Variants in CCDC9 observed in about 807,000 individuals in gnomAD.
CCDC9 encodes coiled-coil domain containing 9.
In CCDC9, 52 loss-of-function variants were observed where a neutral mutation model predicts 65.6. The ratio of observed to expected loss-of-function variants is 0.79; its 90% confidence interval spans 0.63 to 1.00. CCDC9 has a LOEUF of 1.00. Ranked by LOEUF, CCDC9 falls within the 50% of genes least tolerant of loss-of-function variation. CCDC9 has a pLI of 0.00. For missense variants in CCDC9, 834 were observed against 757.2 expected, an observed-to-expected ratio of 1.10 and a Z score of -1.19; for synonymous variants, 332 against 280.3, an observed-to-expected ratio of 1.18 and a Z score of -1.84.
intron 8 of CCDC9, among the ~76,000 whole-genome samples, chr19:47,267,891 G>T (rs890051544): frequency 2.6e-5 from 4 of 151,506 alleles, no homozygotes; most frequent in African/African-American, 7.3e-5. Flanking sequence ...ACTGTTGCCG[G>T]GGCTGGAGTG....
intron 7 of CCDC9, among the ~76,000 whole-genome samples, chr19:47,266,105 C>T (rs1315624169): frequency 3.4e-5 from 5 of 147,742 alleles, no homozygotes; most frequent in Non-Finnish European, 5.9e-5. Context: ...ATGCCAGTCT[C>T]CTGCCTCAGC....
downstream of CCDC9, chr19:47,274,977 A>C: frequency 6.9e-7 from 1 of 1,454,430 alleles, no homozygotes; most frequent in South Asian, 1.3e-5. Flanking sequence ...CGCGGGGCTG[A>C]GCGAGGGCCC....
intron 5 of CCDC9, among the ~76,000 whole-genome samples, chr19:47,262,030 A>G (rs1807311601): frequency 6.6e-6 from 1 of 151,990 alleles, no homozygotes; most frequent in Non-Finnish European, 1.5e-5. Context: ...TCAAAAAAAA[A>G]AAAATAATTA....
chr19:47,275,262 C>CGA, downstream of CCDC9: 1 of 1,540,780 alleles, frequency 6.5e-7, no homozygotes, highest in Middle Eastern at 1.9e-4. Context: ...GAGCCGCCGC[C>CGA]GCCGCTACAG....
At chr19:47,260,043 G>A (rs531513081) in intron 3 of CCDC9, among the ~76,000 whole-genome samples, 13 of 152,304 alleles carry the variant, frequency 8.5e-5, no homozygotes, top group Admixed American at 3.3e-4. Context: ...CGGAGTGATC[G>A]TGGGGAGAGG....
downstream of CCDC9, chr19:47,273,518 C>A: frequency 2.0e-6 from 1 of 507,106 alleles, no homozygotes; most frequent in Non-Finnish European, 3.1e-6. Context: ...CGCCTCGCTC[C>A]TCTGTCCTCT....
At chr19:47,274,900 G>C (rs2059146833), downstream of CCDC9, 5 of 1,277,016 alleles carry the variant, frequency 3.9e-6, no homozygotes, top group Non-Finnish European at 3.9e-6. Context: ...CTGCGGCGCG[G>C]AGCCGAGTGG....
rs774734214 is a variant in CCDC9 at position 47,271,260 on chromosome 19, C to A, written c.1192-14C>A. 51 of 1,611,516 alleles carry A rather than the reference C, an allele frequency of 3.2e-5. No individual in the cohort carries two copies. In the Admixed American group the frequency reaches 8.5e-4, roughly 27 times the overall value. On this transcript the variant is annotated splice_polypyrimidine_tract_variant and intron_variant, in intron 11 of 11. Transcript: ENST00000221922. The stretch of plus-strand genomic sequence containing the variant: ...GGACCTGTGCCTTGCCCTGACTTGC[C>A]TGTGTCCCCAAAGCCACCCGAGATC...
intron 8 of CCDC9, among the ~76,000 whole-genome samples, chr19:47,269,596 C>T (rs559499347): frequency 2.6e-5 from 4 of 152,172 alleles, no homozygotes; most frequent in Non-Finnish European, 5.9e-5. Flanking sequence ...ACCTGGACTC[C>T]CAAAGTGTTG....
At chr19:47,270,367 G>A (rs758747507) in intron 8 of CCDC9, 40 bp from the exon 9 acceptor site, 19 of 1,607,036 alleles carry the variant, frequency 1.2e-5, no homozygotes, top group Non-Finnish European at 1.6e-5. Context: ...TTGTTACCCT[G>A]TTCCCCCAGC....
At chr19:47,274,893 CG>C (rs1412828815), downstream of CCDC9, 7 of 1,239,218 alleles carry the variant, frequency 5.6e-6, no homozygotes, top group East Asian at 2.5e-4. Context: ...GTGCGGTCTG[CG>C]GCGCGGAGCC....
chr19:47,262,210 CTTTTTTTTTTT>C (rs60699350), intron 5 of CCDC9, among the ~76,000 whole-genome samples: 1 of 111,978 alleles, frequency 8.9e-6, no homozygotes, highest in Admixed American at 1.0e-4. Context: ...CAGGTTCCTG[CTTTTTTTTTTT>C]TTTTTTTTTT....
intron 8 of CCDC9, among the ~76,000 whole-genome samples, chr19:47,269,424 A>G (rs945480383): frequency 1.3e-5 from 2 of 151,464 alleles, no homozygotes; most frequent in Non-Finnish European, 2.9e-5. Context: ...GTGTGATTTC[A>G]GCTCACTGCA....
downstream of CCDC9, chr19:47,274,718 G>A (rs2059145160): frequency 4.0e-6 from 1 of 252,122 alleles, no homozygotes. Flanking sequence ...TAGCACCTCC[G>A]CCTGTCGGTG....
intron 7 of CCDC9, chr19:47,266,256 A>T (rs1473406555): frequency 9.7e-6 from 2 of 206,664 alleles, no homozygotes; most frequent in Admixed American, 5.6e-5. Context: ...TGGCCTCCCA[A>T]AGTGCTGGGA....
intron 8 of CCDC9, among the ~76,000 whole-genome samples, chr19:47,268,471 C>T (rs967771496): frequency 4.6e-5 from 7 of 152,048 alleles, no homozygotes; most frequent in African/African-American, 1.2e-4. Flanking sequence ...CAAGCCTGTG[C>T]GAGTGTGAGA....
chr19:47,266,758 A>T lies in CCDC9; in HGVS notation c.868A>T (p.Arg290Trp), dbSNP rs10413121. ...GCACCGCAAGCCCACTGGCCAGTGG[A>T]GGCGCGAGTGGGATGCCGAGAAGAC... The part of the protein sequence containing the change: ...QRHRKPTGQW[R>W]REWDAEKTDG... Residue 290 changes from arginine (R) to tryptophan (W), a missense_variant, in exon 8 of 12, where the codon AGG becomes TGG. Physicochemically the swap from Arg to Trp is moderately radical, Grantham distance 101. Transcript: ENST00000221922. 5.6e-6 allele frequency: 9 copies of T among 1,609,504 alleles called. No homozygotes were observed. Among genetic ancestry groups the T allele is most frequent in the East Asian group, 2.2e-5 (1 of 44,656 alleles).
intron 7 of CCDC9, 178 bp from the exon 8 acceptor site, chr19:47,266,433 G>T: frequency 1.2e-6 from 1 of 839,594 alleles, no homozygotes; most frequent in Non-Finnish European, 1.7e-6. Context: ...ACAGAGGGAT[G>T]CTACTTAGGA....
In CCDC9 at chr19:47,265,984, C is replaced by CCT. The variant is rs1568639017; in HGVS notation, c.721-627_721-626insCT. 2.1e-4 allele frequency among the ~76,000 whole-genome samples: 15 copies of CCT among 72,630 alleles called. 3 individuals are homozygous for CCT. The highest frequency in any genetic ancestry group is 3.0e-4 in the Non-Finnish European group (13 of 43,030). The allele number at this position is 72,630 out of a possible 152,430, so 47.6% of individuals were successfully genotyped here. A position where few individuals can be genotyped will look rare whatever the true frequency, so the allele number is the denominator to read the frequency against. ...TACAGGCGTGAGCCACCGCTCCTGG[C>CCT]TTTTTTTTTTTTTTTTTTTTTTTTT... On this transcript the variant is annotated intron_variant, in intron 7 of 11. Transcript: ENST00000221922.
Sources: gnomAD v4.1 joint callset for allele counts (sites outside exome capture counted in the v4.1 genomes callset) on GRCh38, gnomAD v4.1.1 for gene constraint, MANE v1.5 for transcripts, NCBI Gene and HGNC (gene_info 2026-07-23, HGNC 2026-07-21) for gene names.